COG6: variants seen among roughly 807,000 people sequenced by gnomAD.
COG6 encodes component of oligomeric golgi complex 6, also known as conserved oligomeric Golgi complex subunit 6.
In COG6, 74 loss-of-function variants were observed where a neutral mutation model predicts 88.8. The ratio of observed to expected loss-of-function variants is 0.83; its 90% CI spans 0.69 to 1.01. COG6 has a LOEUF of 1.01. Among genes scored for constraint, COG6 ranks in the 50% least tolerant of loss-of-function variants. The pLI, the probability that COG6 is intolerant of heterozygous loss-of-function variation, is 0.00. For synonymous variants in COG6, 286 were observed against 278.7 expected (o/e 1.03, Z -0.26); for missense variants, 800 against 797.9 (o/e 1.00, Z -0.03).
At chr13:39,678,782 G>C (rs1876125753) in intron 5 of COG6, among the ~76,000 whole-genome samples, 1 of 152,076 alleles carries the variant, frequency 6.6e-6, no homozygotes. Flanking sequence ...TTTGGGTGTA[G>C]AGAGGTAAAT....
At chr13:39,771,906 A>T (rs1881327369) in intron 18 of COG6, among the ~76,000 whole-genome samples, 1 of 152,230 alleles carries the variant, frequency 6.6e-6, no homozygotes, top group African/African-American at 2.4e-5. Flanking sequence ...TGAACAAGAT[A>T]CATACCTTCC....
intron 2 of COG6, among the ~76,000 whole-genome samples, chr13:39,660,130 T>C (rs1327040296): frequency 6.6e-6 from 1 of 152,204 alleles, no homozygotes; most frequent in Non-Finnish European, 1.5e-5. Flanking sequence ...AGGTTGTTTT[T>C]GACACCTTGG....
At chr13:39,754,787 A>G (rs1880779404), downstream of COG6, among the ~76,000 whole-genome samples, 1 of 152,198 alleles carries the variant, frequency 6.6e-6, no homozygotes, top group African/African-American at 2.4e-5. Flanking sequence ...CCTGTCTTGC[A>G]CAATGATAGT....
chr13:39,781,241 A>C (rs1033195519), intron 18 of COG6, among the ~76,000 whole-genome samples: 1 of 152,094 alleles, frequency 6.6e-6, no homozygotes, highest in African/African-American at 2.4e-5. Flanking sequence ...CACATAATAC[A>C]TGGGCGCTTA....
At chr13:39,663,694 G>T (rs1875056893) in intron 3 of COG6, among the ~76,000 whole-genome samples, 1 of 151,956 alleles carries the variant, frequency 6.6e-6, no homozygotes, top group South Asian at 2.1e-4. Flanking sequence ...TGACCAGCCT[G>T]GGCAACATAG....
chr13:39,772,798 C>T (rs1881356983), intron 18 of COG6, among the ~76,000 whole-genome samples: 2 of 152,242 alleles, frequency 1.3e-5, no homozygotes, highest in South Asian at 2.1e-4. Flanking sequence ...GGCTCTCCTG[C>T]CCCCATTGAG....
At chr13:39,733,062 T>C (rs1879538001) in intron 18 of COG6, among the ~76,000 whole-genome samples, 2 of 151,148 alleles carry the variant, frequency 1.3e-5, no homozygotes, top group South Asian at 4.2e-4. Flanking sequence ...CAACTTTAAA[T>C]GATCGATCAA....
chr13:39,711,995 G>A (rs745986980), intron 13 of COG6, among the ~76,000 whole-genome samples: 3 of 152,132 alleles, frequency 2.0e-5, no homozygotes, highest in East Asian at 1.9e-4. Context: ...GAGTGGCTAC[G>A]ATTACAGGTA....
At chr13:39,703,137 T>A (rs1046116722) in intron 13 of COG6, among the ~76,000 whole-genome samples, 4 of 151,962 alleles carry the variant, frequency 2.6e-5, no homozygotes, top group African/African-American at 9.7e-5. Context: ...CCCCAGGAGG[T>A]CCAGCAAATA....
chr13:39,708,839 A>G (rs1299856116), intron 13 of COG6, among the ~76,000 whole-genome samples: 2 of 152,074 alleles, frequency 1.3e-5, no homozygotes, highest in Non-Finnish European at 2.9e-5. Flanking sequence ...GTTTTTTTCC[A>G]GTTAAGTTGA....
chr13:39,729,769 T>C (rs565591056), intron 18 of COG6, among the ~76,000 whole-genome samples: 1 of 152,230 alleles, frequency 6.6e-6, no homozygotes, highest in South Asian at 2.1e-4. Context: ...TGAATGAGAG[T>C]ATAAATTAGT....
At chr13:39,785,937 G>A (rs1344231678) in intron 18 of COG6, among the ~76,000 whole-genome samples, 1 of 152,070 alleles carries the variant, frequency 6.6e-6, no homozygotes, top group African/African-American at 2.4e-5. Flanking sequence ...TCAAAGTAGG[G>A]ACAGAACTCA....
chr13:39,726,486 T>G (rs984656624), intron 17 of COG6, among the ~76,000 whole-genome samples: 18 of 151,832 alleles, frequency 1.2e-4, no homozygotes, highest in African/African-American at 3.9e-4. Flanking sequence ...GTCCTGATGG[T>G]CCTCAAATAT....
At chr13:39,779,921 G>T (rs1361649995) in intron 18 of COG6, among the ~76,000 whole-genome samples, 2 of 152,126 alleles carry the variant, frequency 1.3e-5, no homozygotes, top group African/African-American at 4.8e-5. Context: ...ATAAAATTAA[G>T]AAACATTTAT....
chr13:39,787,356 T>C (rs1881805648), intron 18 of COG6, among the ~76,000 whole-genome samples: 1 of 152,146 alleles, frequency 6.6e-6, no homozygotes, highest in Admixed American at 6.6e-5. Context: ...TTTAACTGGA[T>C]TCTGTATCAA....
intron 7 of COG6, among the ~76,000 whole-genome samples, chr13:39,680,409 A>G (rs1048199655): frequency 2.0e-5 from 3 of 152,356 alleles, no homozygotes; most frequent in South Asian, 2.1e-4. Flanking sequence ...TGTTGTTTAC[A>G]TAACTGTAAA....
chr13:39,690,851 T>G (rs571205755), intron 11 of COG6, among the ~76,000 whole-genome samples: 1 of 152,052 alleles, frequency 6.6e-6, no homozygotes, highest in South Asian at 2.1e-4. Context: ...AAATGAAATA[T>G]TTACTTGTCA....
chr13:39,759,945 T>C (rs1880960839), intron 18 of COG6, among the ~76,000 whole-genome samples: 1 of 152,202 alleles, frequency 6.6e-6, no homozygotes, highest in African/African-American at 2.4e-5. Flanking sequence ...TTTGGCAAAG[T>C]GTTACATTAT....
intron 11 of COG6, among the ~76,000 whole-genome samples, chr13:39,691,412 T>C (rs1876972471): frequency 6.6e-6 from 1 of 151,916 alleles, no homozygotes; most frequent in Admixed American, 6.6e-5. Context: ...TGCTGGCAAA[T>C]TTAAATGTAA....
Sources: allele counts gnomAD v4.1 joint callset (sites outside exome capture counted in the v4.1 genomes callset), GRCh38; gene constraint gnomAD v4.1.1; transcripts MANE v1.5; gene names NCBI Gene and HGNC (gene_info 2026-07-23, HGNC 2026-07-21).